Variants in TTN observed in about 807,000 individuals in gnomAD.
The protein encoded by TTN is titin.
In TTN, 1,525 loss-of-function variants were observed where a neutral mutation model predicts 3,223.0. The ratio of observed to expected loss-of-function variants is 0.47; its 90% confidence interval spans 0.45 to 0.49. The LOEUF (loss-of-function observed/expected upper bound fraction) is 0.49, where lower values mean the gene tolerates loss of function less well. Among genes scored for constraint, TTN ranks in the 20% least tolerant of loss-of-function variants. The probability of loss-of-function intolerance (pLI) is 0.00; values close to 1 mark genes in which losing one functional copy is unlikely to be tolerated. For missense variants in TTN, 40,786 were observed against 43,424.0 expected, an observed-to-expected ratio of 0.94 and a Z score of 5.40; for synonymous variants, 14,094 against 15,161.0, an observed-to-expected ratio of 0.93 and a Z score of 5.17.
At chr2:178,731,262 C>T in intron 59 of TTN, 43 bp downstream of exon 59, 5 of 1,611,106 alleles carry the variant, frequency 3.1e-6, no homozygotes, top group Non-Finnish European at 4.2e-6. Context: ...AGGCTTACAT[C>T]TGCATTTCTT....
At position 178,584,786 on chromosome 2, in the gene TTN, A is replaced by G. The variant is rs1486149342; in HGVS notation, c.64855T>C (p.Cys21619Arg). ...TALASVTKTS[C>R]RVGKLIPGQE... ...CCTGGGATCAGCTTTCCAACCCTGCAGGAAGTTTTTGTGACTGAAGCTAGA... is the reference window on the plus strand; with the variant it reads ...CCTGGGATCAGCTTTCCAACCCTGCGGGAAGTTTTTGTGACTGAAGCTAGA... Residue 21619 changes from cysteine (C) to arginine (R), a missense_variant, in exon 310 of 363, where the codon TGC (cysteine) becomes CGC (arginine). By Grantham distance (180) the Cys-to-Arg change is radical. Transcript: ENST00000589042. 1 of 1,613,498 alleles carries G rather than the reference A, an allele frequency of 6.2e-7. No homozygotes were observed. The highest frequency in any genetic ancestry group is 8.5e-7 in the Non-Finnish European group (1 of 1,179,556).
Position 178,757,595 on chromosome 2 carries a change from G to A in TTN, c.10625C>T (p.Ala3542Val). Residue 3542 changes from alanine (A) to valine (V), a missense_variant, in exon 45 of 363, where the codon GCC (alanine) becomes GTC (valine). Ala to Val is a moderately conservative substitution (Grantham distance 64). Coordinates refer to ENST00000589042, the MANE Select transcript of TTN (RefSeq NM_001267550.2). Reference sequence around the variant, plus strand: ...ACAAGTGGCTTCCCCAGCACTATTGGCTGCTTTGCAAGAGTACTGCCCAGC... The same window carrying A: ...ACAAGTGGCTTCCCCAGCACTATTGACTGCTTTGCAAGAGTACTGCCCAGC... ...EHAGQYSCKA[A>V]NSAGEATCAA... 1.2e-6 allele frequency: 2 copies of A among 1,607,760 alleles called. No individual in the cohort carries two copies. The highest frequency in any genetic ancestry group is 1.7e-6 in the Non-Finnish European group (2 of 1,175,434).
chr2:178,800,268 C>T, intron 4 of TTN, 127 bp downstream of exon 4: 5 of 1,311,268 alleles, frequency 3.8e-6, no homozygotes, highest in Non-Finnish European at 5.3e-6. Context: ...TGTCGAAAAG[C>T]CAGCTTTTAT....
In TTN at chr2:178,573,844, A is replaced by G. The variant is rs769898611; in HGVS notation, c.72288T>C (p.Asp24096=). ...TCGCTGTAAGGGTATAGGCACCACT[A>G]TCCCTTCTTGTTGAATCTTTGTTTA... ...NLVNKDSTRR[D]SGAYTLTATN... The change falls in exon 326 of 363, where the codon GAT becomes GAC. Residue 24096 remains aspartate (D), a synonymous_variant. Transcript: ENST00000589042. 38 of 1,611,782 alleles carry G rather than the reference A, an allele frequency of 2.4e-5. No individual in the cohort carries two copies. In the South Asian group the frequency reaches 3.8e-4, roughly 16 times the overall value.
At chr2:178,544,972 T>C (rs1360756735) in intron 344 of TTN, among the ~76,000 whole-genome samples, 1 of 152,314 alleles carries the variant, frequency 6.6e-6, no homozygotes, top group East Asian at 1.9e-4. Context: ...TTGCCACTTA[T>C]TTTTGAAGCT....
chr2:178,732,750 G>A, intron 55 of TTN, 32 bp from the exon 56 acceptor site: 2 of 1,560,832 alleles, frequency 1.3e-6, no homozygotes, highest in Non-Finnish European at 1.7e-6. Flanking sequence ...GAATTTCAAA[G>A]AGTTAAGAGG....
At position 178,577,987 on chromosome 2, in the gene TTN, C is replaced by G. The variant is rs766984722; in HGVS notation, c.68527+1G>C. The G allele has an allele frequency of 3.1e-6, 5 of 1,610,628 alleles. No individual in the cohort carries two copies. Among genetic ancestry groups the G allele is most frequent in the Non-Finnish European group, 4.2e-6 (5 of 1,178,714 alleles). On this transcript the variant is annotated splice_donor_variant, in intron 322 of 362. Transcript: ENST00000589042. LOFTEE classifies it high-confidence loss of function. ...GGGTTTTTCTTCATATAATGACTTA[C>G]CAATTGGGTCCAGTGCCACAACAGG...
Position 178,578,720 on chromosome 2 carries a change from A to G in TTN, c.68225-5T>C, listed in dbSNP as rs758273663. 28 of 1,607,770 alleles carry G rather than the reference A, an allele frequency of 1.7e-5. No individual in the cohort carries two copies. In the African/African-American group the frequency reaches 2.8e-4, roughly 16 times the overall value. On this transcript the variant is annotated splice_region_variant and splice_polypyrimidine_tract_variant and intron_variant, in intron 320 of 362. Coordinates refer to ENST00000589042, the MANE Select transcript of TTN (RefSeq NM_001267550.2). ...GTGGGGGAGCATCAGGCACATCTAG[A>G]AAAAAGTAGATAATGCAAGATTTAT...
Position 178,753,145 on chromosome 2 carries a change from C to T in TTN, c.11290G>A (p.Glu3764Lys). ...ATACCTTTCATTTCCATCTCAATCT[C>T]TTGTTCAATCCTCTCATGCAAAATT... ...ESILHERIEQ[E>K]IEMEMKEFSS... The change falls in exon 47 of 363, where the codon GAG becomes AAG. Residue 3764 changes from glutamate (E) to lysine (K), a missense_variant. Coordinates refer to ENST00000589042, the MANE Select transcript of TTN (RefSeq NM_001267550.2). The T allele has an allele frequency of 6.2e-7, 1 of 1,609,640 alleles. No homozygotes were observed. Among genetic ancestry groups the T allele is most frequent in the Non-Finnish European group, 8.5e-7 (1 of 1,177,496 alleles).
At position 178,729,494 on chromosome 2, in the gene TTN, TCA is replaced by T; in HGVS notation, c.18660_18661del (p.Cys6220Ter). Reference sequence around the variant, plus strand: ...TTCAAACGGAGGTGTTCCCGTAACTTCACACTCCAGCTCCACGTCACTATATT... The same window carrying T: ...TTCAAACGGAGGTGTTCCCGTAACTTCACTCCAGCTCCACGTCACTATATT... On this transcript the variant is annotated stop_gained and frameshift_variant, in exon 64 of 363. Transcript: ENST00000589042. LOFTEE classifies it high-confidence loss of function. 6.2e-7 allele frequency: 1 copy of T among 1,613,626 alleles called. No homozygotes were observed. The highest frequency in any genetic ancestry group is 8.5e-7 in the Non-Finnish European group (1 of 1,179,650).
At position 178,773,852 on chromosome 2, in the gene TTN, C is replaced by T. The variant is rs142129359; in HGVS notation, c.7316G>A (p.Arg2439His). Residue 2439 changes from arginine to histidine, a missense_variant, in exon 31 of 363, where the codon CGT becomes CAT. Coordinates refer to ENST00000589042, the MANE Select transcript of TTN (RefSeq NM_001267550.2). Reference sequence around the variant, plus strand: ...TTAGGACTCACTATAGACAGAGACACGCCCACTGGTGGAGAGGCCAAGGGC... The same window carrying T: ...TTAGGACTCACTATAGACAGAGACATGCCCACTGGTGGAGAGGCCAAGGGC... ...IPALGLSTSGRVSVYSVDVIT... is the reference protein window; with the variant it reads ...IPALGLSTSGHVSVYSVDVIT... 291 of 1,613,906 alleles carry T rather than the reference C, an allele frequency of 1.8e-4. No individual in the cohort carries two copies. Among genetic ancestry groups the T allele is most frequent in the African/African-American group, 2.5e-4 (19 of 74,900 alleles).
chr2:178,752,049 A>G (rs2085697219), intron 47 of TTN: 1 of 1,588,112 alleles, frequency 6.3e-7, no homozygotes, highest in Non-Finnish European at 8.5e-7. Context: ...TCTGGAAAAA[A>G]AAAAAAAAAC....
In TTN at chr2:178,614,975, G is replaced by T. The variant is rs1200794816; in HGVS notation, c.48639-7C>A. On this transcript the variant is annotated splice_polypyrimidine_tract_variant and splice_region_variant and intron_variant, in intron 259 of 362. Coordinates refer to ENST00000589042, the MANE Select transcript of TTN (RefSeq NM_001267550.2). ...AAGACCTGTCACTTCCATTCTGTCA[G>T]AAAACAGAATAGGATGTTTTACTGT... 1 of 1,588,200 alleles carries T rather than the reference G, an allele frequency of 6.3e-7. No individual in the cohort carries two copies. Among genetic ancestry groups the T allele is most frequent in the Admixed American group, 1.7e-5 (1 of 57,674 alleles).
chr2:178,527,216 AG>A lies in TTN; in HGVS notation c.107771del (p.Pro35924LeufsTer5). 6.2e-7 allele frequency: 1 copy of A among 1,613,924 alleles called. No individual in the cohort carries two copies. The highest frequency in any genetic ancestry group is 8.5e-7 in the Non-Finnish European group (1 of 1,179,856). On this transcript the variant is annotated frameshift_variant, in exon 363 of 363. Transcript: ENST00000589042. LOFTEE classifies it high-confidence loss of function. ...LTVACAFTGE[P>X]TPEVTWSCGG... ...CACAGGACCATGTTACTTCTGGGGTAGGCTCACCCGTGAAAGCACAGGCTAC... is the reference window on the plus strand; with the variant it reads ...CACAGGACCATGTTACTTCTGGGGTAGCTCACCCGTGAAAGCACAGGCTAC...
At chr2:178,750,675 GTAA>G in intron 47 of TTN, 1 of 1,612,634 alleles carries the variant, frequency 6.2e-7, no homozygotes, top group Non-Finnish European at 8.5e-7. Context: ...GCAGAGAGTT[GTAA>G]TTCTCTCAAA....
Position 178,564,428 on chromosome 2 carries a change from AG to A in TTN, c.81703del (p.Val27236Ter), listed in dbSNP as rs1310229401. On this transcript the variant is annotated frameshift_variant, in exon 326 of 363. Transcript: ENST00000589042. LOFTEE classifies it high-confidence loss of function. Reference protein sequence around the residue: ...VLETEFTVSGLVEDQRYEFRV... With the variant: ...VLETEFTVSGXVEDQRYEFRV... Reference sequence around the variant, plus strand: ...AAATTCATATCTTTGGTCTTCTACAAGTCCACTCACTGTAAATTCAGTTTCT... The same window carrying A: ...AAATTCATATCTTTGGTCTTCTACAATCCACTCACTGTAAATTCAGTTTCT... 6.2e-7 allele frequency: 1 copy of A among 1,612,942 alleles called. No homozygotes were observed. Among genetic ancestry groups the A allele is most frequent in the African/African-American group, 1.3e-5 (1 of 74,904 alleles).
intron 100 of TTN, 32 bp from the exon 101 acceptor site, chr2:178,706,986 A>C: frequency 6.4e-7 from 1 of 1,559,472 alleles, no homozygotes; most frequent in Non-Finnish European, 8.7e-7. Context: ...TTGTTACTAC[A>C]ATCACCTCAG....
chr2:178,761,121 C>T (rs960126627), intron 43 of TTN: 3 of 152,206 alleles, frequency 2.0e-5, no homozygotes, highest in African/African-American at 7.2e-5. Context: ...TGAGGCCATT[C>T]TTCTCCCATA....
At chr2:178,750,751 A>G (rs148581002) in intron 47 of TTN, 1 of 1,613,044 alleles carries the variant, frequency 6.2e-7, no homozygotes, top group East Asian at 2.2e-5. Context: ...CAAGTGTACC[A>G]AAAGATTCGC....
Sources: allele counts gnomAD v4.1 joint callset (sites outside exome capture counted in the v4.1 genomes callset), GRCh38; gene constraint gnomAD v4.1.1; transcripts MANE v1.5; gene names NCBI Gene and HGNC (gene_info 2026-07-23, HGNC 2026-07-21).